The following CADM2 variants were observed in gnomAD, a reference collection of about 807,000 sequenced individuals.
CADM2 encodes immunoglobulin superfamily member 4D.
CADM2 carries 12 observed loss-of-function variants against 49.8 expected under a neutral mutation model. The ratio of observed to expected loss-of-function variants is 0.24; its 90% CI spans 0.15 to 0.39. The LOEUF is 0.39. CADM2 is among the 10% of genes least tolerant of loss of function. The pLI is 1.00. For synonymous variants in CADM2, 214 were observed against 175.4 expected, an observed-to-expected ratio of 1.22 and a Z score of -1.74; for missense variants, 378 against 492.3, an observed-to-expected ratio of 0.77 and a Z score of 2.20.
intron 1 of CADM2, among the ~76,000 whole-genome samples, chr3:85,096,697 A>C (rs1337754078): frequency 6.6e-6 from 1 of 152,136 alleles, no homozygotes; most frequent in Admixed American, 6.5e-5. Context: ...AAGAATTCCC[A>C]GACTGAGGTA....
intron 1 of CADM2, among the ~76,000 whole-genome samples, chr3:85,050,324 C>T (rs2035834323): frequency 1.3e-5 from 2 of 151,954 alleles, no homozygotes; most frequent in South Asian, 4.2e-4. Context: ...ACTTGTTGCA[C>T]AGCTCTGACC....
chr3:86,064,229 C>T (rs916405920), intron 8 of CADM2, among the ~76,000 whole-genome samples: 7 of 152,026 alleles, frequency 4.6e-5, no homozygotes, highest in South Asian at 2.1e-4. Flanking sequence ...CGACAGGCCC[C>T]GGTGTGTGAT....
rs1739513373 is a variant in CADM2 at position 86,068,031 on chromosome 3, A to C, written c.*1248A>C. On this transcript the variant is annotated 3_prime_UTR_variant, in exon 10 of 10. Coordinates refer to ENST00000383699, the MANE Select transcript of CADM2 (RefSeq NM_001167675.2). ...AAAAATTTACAAATTTTCATTTTGCAGTTCCAGAGCTGCTTACCTATGTTG... is the reference window on the plus strand; with the variant it reads ...AAAAATTTACAAATTTTCATTTTGCCGTTCCAGAGCTGCTTACCTATGTTG... 1 of 152,420 alleles carries C rather than the reference A, an allele frequency of 6.6e-6. No individual in the cohort carries two copies. The highest frequency in any genetic ancestry group is 2.4e-5 in the African/African-American group (1 of 41,446). 9.4% of individuals were successfully genotyped at this position (152,420 alleles called of 1,614,324 possible).
At chr3:85,451,272 T>C (rs919383303) in intron 1 of CADM2, among the ~76,000 whole-genome samples, 11 of 152,140 alleles carry the variant, frequency 7.2e-5, no homozygotes, top group Non-Finnish European at 1.6e-4. Context: ...ATTTTAAGAA[T>C]TGTTTTTAAT....
chr3:86,038,098 G>C (rs988393790), intron 8 of CADM2, among the ~76,000 whole-genome samples: 4 of 152,000 alleles, frequency 2.6e-5, no homozygotes, highest in African/African-American at 7.2e-5. Context: ...TTGACTTTCT[G>C]TTCCTGTTAG....
chr3:85,889,787 A>G (rs1222230506), intron 5 of CADM2, among the ~76,000 whole-genome samples: 1 of 152,150 alleles, frequency 6.6e-6, no homozygotes, highest in Non-Finnish European at 1.5e-5. Context: ...TAGAAATATA[A>G]ACAAATAAAA....
chr3:85,053,826 G>A (rs1368299676), intron 1 of CADM2, among the ~76,000 whole-genome samples: 2 of 151,842 alleles, frequency 1.3e-5, no homozygotes, highest in Non-Finnish European at 2.9e-5. Context: ...CATCTGGAAT[G>A]GCTGCCACCC....
chr3:85,997,476 C>A (rs1729572757), intron 8 of CADM2, among the ~76,000 whole-genome samples: 1 of 152,044 alleles, frequency 6.6e-6, no homozygotes, highest in Non-Finnish European at 1.5e-5. Context: ...TACTACTGGC[C>A]ACAAATCATT....
chr3:85,422,651 T>C (rs1028609242), intron 1 of CADM2, among the ~76,000 whole-genome samples: 1 of 152,184 alleles, frequency 6.6e-6, no homozygotes, highest in Non-Finnish European at 1.5e-5. Context: ...GAATTGTTCA[T>C]ATATAAAGAT....
chr3:85,747,841 A>G (rs1189402883), intron 2 of CADM2, among the ~76,000 whole-genome samples: 2 of 152,126 alleles, frequency 1.3e-5, no homozygotes, highest in African/African-American at 4.8e-5. Context: ...AATATTACTC[A>G]TTTTGACAAT....
At chr3:85,227,910 G>T (rs1485636563) in intron 1 of CADM2, among the ~76,000 whole-genome samples, 1 of 152,126 alleles carries the variant, frequency 6.6e-6, no homozygotes, top group Non-Finnish European at 1.5e-5. Flanking sequence ...AGTTTGGCTG[G>T]ATATGAAATT....
intron 1 of CADM2, among the ~76,000 whole-genome samples, chr3:85,603,571 G>A (rs985712695): frequency 2.0e-5 from 3 of 151,690 alleles, no homozygotes; most frequent in African/African-American, 7.3e-5. Context: ...GGGAAACAAA[G>A]GGGCTATTCA....
intron 1 of CADM2, among the ~76,000 whole-genome samples, chr3:85,540,946 C>T (rs111337657): frequency 0.021 from 3,236 of 152,070 alleles, 106 homozygotes; most frequent in African/African-American, 0.072. Context: ...AGACACTTGC[C>T]GTATTGGATC....
chr3:85,743,652 A>G (rs13059866), intron 2 of CADM2, among the ~76,000 whole-genome samples: 13,328 of 152,198 alleles, frequency 0.088, 807 homozygotes, highest in Middle Eastern at 0.15. Flanking sequence ...CCTCCCTTGT[A>G]TTGGGTAGAA....
chr3:85,172,220 G>A (rs527701788), intron 1 of CADM2, among the ~76,000 whole-genome samples: 1 of 152,156 alleles, frequency 6.6e-6, no homozygotes, highest in South Asian at 2.1e-4. Context: ...TTCTATTCTT[G>A]GAACCACCTG....
chr3:85,634,633 C>A (rs558504794), intron 1 of CADM2, among the ~76,000 whole-genome samples: 1 of 152,056 alleles, frequency 6.6e-6, no homozygotes, highest in East Asian at 1.9e-4. Flanking sequence ...AAAATAATTA[C>A]AATATGGGCC....
chr3:86,065,809 C>A, intron 9 of CADM2, 79 bp downstream of exon 9: 1 of 1,411,742 alleles, frequency 7.1e-7, no homozygotes, highest in Non-Finnish European at 9.7e-7. Context: ...GATATCAGTG[C>A]ATATATGTTT....
chr3:85,646,268 T>C (rs1373800050), intron 1 of CADM2, among the ~76,000 whole-genome samples: 2 of 152,046 alleles, frequency 1.3e-5, no homozygotes, highest in East Asian at 1.9e-4. Flanking sequence ...CATGTCAATC[T>C]AGTTAAATAT....
intron 1 of CADM2, among the ~76,000 whole-genome samples, chr3:85,253,486 A>G (rs2042819153): frequency 6.6e-6 from 1 of 152,070 alleles, no homozygotes; most frequent in African/African-American, 2.4e-5. Flanking sequence ...AGGTAGCAGC[A>G]AAGATCTATT....
Sources: allele counts gnomAD v4.1 joint callset (sites outside exome capture counted in the v4.1 genomes callset), GRCh38; gene constraint gnomAD v4.1.1; transcripts MANE v1.5; gene names NCBI Gene and HGNC (gene_info 2026-07-23, HGNC 2026-07-21).